The following CTSH variants were observed in gnomAD, a reference collection of about 807,000 sequenced individuals.
The protein encoded by CTSH is cathepsin H, also known as pro-cathepsin H.
Under a neutral mutation model 56.3 loss-of-function variants are expected in CTSH, and 52 were observed. The ratio of observed to expected loss-of-function variants is 0.92; its 90% CI spans 0.74 to 1.16. CTSH has a LOEUF of 1.16. Among genes scored for constraint, CTSH ranks in the 50% most tolerant of loss-of-function variants. CTSH has a pLI of 0.00. For missense variants in CTSH, 406 were observed against 424.5 expected, an observed-to-expected ratio of 0.96 and a Z score of 0.38; for synonymous variants, 174 against 155.7, an observed-to-expected ratio of 1.12 and a Z score of -0.88.
At position 78,925,348 on chromosome 15, in the gene CTSH, G is replaced by T. The variant is rs2044226; in HGVS notation, c.792C>A (p.Thr264=). 3.7e-5 allele frequency: 60 copies of T among 1,611,952 alleles called. No homozygotes were observed. Among genetic ancestry groups the T allele is most frequent in the Non-Finnish European group, 4.5e-5 (53 of 1,178,244 alleles). ...CCCTGACTCACCTGGAGTAGATGCCGGTTCTATACATCATGAAGTCCTGAG... is the reference window on the plus strand; with the variant it reads ...CCCTGACTCACCTGGAGTAGATGCCTGTTCTATACATCATGAAGTCCTGAG... ...EVTQDFMMYR[T]GIYSSTSCHK... is the part of the protein sequence containing the mutation. Residue 264 remains threonine, a synonymous_variant, in exon 10 of 12, where the codon ACC becomes ACA. Transcript: ENST00000220166.
intron 6 of CTSH, chr15:78,932,106 G>A (rs900779101): frequency 1.4e-5 from 17 of 1,240,010 alleles, no homozygotes; most frequent in African/African-American, 4.6e-5. Flanking sequence ...GAACCCCTCC[G>A]CCGGGAAGGC....
At chr15:78,937,263 G>A in intron 3 of CTSH, 55 bp downstream of exon 3, 1 of 1,494,050 alleles carries the variant, frequency 6.7e-7, no homozygotes, top group Admixed American at 1.7e-5. Flanking sequence ...GCCCTTTCAT[G>A]GGCTGGGTCA....
intron 1 of CTSH, among the ~76,000 whole-genome samples, chr15:78,941,555 G>A (rs1343702243): frequency 1.3e-5 from 2 of 152,002 alleles, no homozygotes; most frequent in Admixed American, 6.6e-5. Context: ...CACTTTGAGA[G>A]GCTGAGACGG....
chr15:78,930,147 G>C (rs989871789), intron 7 of CTSH, among the ~76,000 whole-genome samples: 1 of 152,224 alleles, frequency 6.6e-6, no homozygotes, highest in Non-Finnish European at 1.5e-5. Flanking sequence ...TGTATCCCCA[G>C]GGCCTACACA....
At chr15:78,944,694 C>T in intron 1 of CTSH, 197 bp downstream of exon 1, 3 of 1,103,316 alleles carry the variant, frequency 2.7e-6, no homozygotes, top group Non-Finnish European at 3.6e-6. Flanking sequence ...TCTGGTCCTA[C>T]AAGCCGCCCA....
chr15:78,944,916 G>T lies in CTSH; in HGVS notation c.66C>A (p.Ala22=). 4.5e-6 allele frequency: 7 copies of T among 1,548,660 alleles called. No homozygotes were observed. Among genetic ancestry groups the T allele is most frequent in the Middle Eastern group, 3.3e-4 (2 of 5,988 alleles). ...CTAAGGAGTTCACGCACAGTTCGGC[G>T]GCACCGCAGACGGGGACTCCCAGGA... ...AWLLGVPVCG[A]AELCVNSLEK... Residue 22 remains alanine (A), a synonymous_variant, in exon 1 of 12, where the codon GCC becomes GCA. Transcript: ENST00000220166.
intron 3 of CTSH, 47 bp downstream of exon 3, chr15:78,937,271 T>TA: frequency 6.5e-7 from 1 of 1,533,082 alleles, no homozygotes; most frequent in Admixed American, 1.7e-5. Context: ...ATGGGCTGGG[T>TA]CACTAACTGA....
At chr15:78,929,365 A>T in intron 8 of CTSH, 47 bp downstream of exon 8, 1 of 1,429,350 alleles carries the variant, frequency 7.0e-7, no homozygotes, top group Non-Finnish European at 9.8e-7. Context: ...GAGTGAAGCT[A>T]GGCATGCTGT....
In CTSH at chr15:78,929,572, A is replaced by AT. The variant is rs1027959581; in HGVS notation, c.549-80dup. 1.9e-5 allele frequency: 18 copies of AT among 948,692 alleles called. No homozygotes were observed. In the African/African-American group the frequency reaches 2.0e-4, roughly 11 times the overall value. 58.8% of individuals were successfully genotyped at this position (948,692 alleles called of 1,614,324 possible). A position where few individuals can be genotyped will look rare whatever the true frequency, so the allele number is the denominator to read the frequency against. Reference sequence around the variant, plus strand: ...GGCCCTCGGGGACTGGCGTGGCGAGATATCTGGCCTGGCAGGCTGGGGACT... The same window carrying AT: ...GGCCCTCGGGGACTGGCGTGGCGAGATTATCTGGCCTGGCAGGCTGGGGACT... On this transcript the variant is annotated intron_variant, in intron 7 of 11. Coordinates refer to ENST00000220166, the MANE Select transcript of CTSH (RefSeq NM_004390.5).
chr15:78,927,369 C>A (rs1377378703), intron 9 of CTSH: 1 of 341,622 alleles, frequency 2.9e-6, no homozygotes, highest in African/African-American at 2.1e-5. Context: ...CACACTCACC[C>A]TCCTCAGTTT....
intron 1 of CTSH, among the ~76,000 whole-genome samples, chr15:78,941,225 G>A (rs2055280442): frequency 6.6e-6 from 1 of 151,186 alleles, no homozygotes; most frequent in Non-Finnish European, 1.5e-5. Flanking sequence ...AGGAGTTTGA[G>A]ACCAGCCTGG....
chr15:78,929,405 G>C lies in CTSH; in HGVS notation c.630+7C>G. On this transcript the variant is annotated splice_region_variant and intron_variant, in intron 8 of 11. Coordinates refer to ENST00000220166, the MANE Select transcript of CTSH (RefSeq NM_004390.5). Reference sequence around the variant, plus strand: ...CAAGAAGACAGAGTGGAGGCTGTTGGAGTTACCTTGCCCTGGTAGGGGTAG... The same window carrying C: ...CAAGAAGACAGAGTGGAGGCTGTTGCAGTTACCTTGCCCTGGTAGGGGTAG... The C allele has an allele frequency of 6.2e-7, 1 of 1,609,142 alleles. No individual in the cohort carries two copies. Among genetic ancestry groups the C allele is most frequent in the Non-Finnish European group, 8.5e-7 (1 of 1,176,166 alleles).
chr15:78,930,242 C>T (rs755689531), intron 7 of CTSH, among the ~76,000 whole-genome samples: 4 of 152,206 alleles, frequency 2.6e-5, no homozygotes, highest in Non-Finnish European at 4.4e-5. Flanking sequence ...CTTTGAAAAA[C>T]AGGCTGGATG....
intron 2 of CTSH, 135 bp from the exon 3 acceptor site, chr15:78,937,558 G>A (rs938031754): frequency 1.5e-6 from 2 of 1,336,818 alleles, no homozygotes; most frequent in Admixed American, 5.3e-5. Context: ...TGTGTTAATG[G>A]GCGGGGTACT....
At position 78,921,966 on chromosome 15, in the gene CTSH, C is replaced by A; in HGVS notation, c.*164G>T. On this transcript the variant is annotated 3_prime_UTR_variant, in exon 12 of 12. Coordinates refer to ENST00000220166, the MANE Select transcript of CTSH (RefSeq NM_004390.5). ...AGACACGGGTGAGCTCATGGTGGAA[C>A]TCCTCCTTGTCTGTAGGTTTCCAGG... 3.2e-6 allele frequency: 2 copies of A among 627,400 alleles called. No individual in the cohort carries two copies. The highest frequency in any genetic ancestry group is 2.8e-6 in the Non-Finnish European group (1 of 358,212). The allele number at this position is 627,400 out of a possible 1,614,324, so 38.9% of individuals were successfully genotyped here.
intron 1 of CTSH, among the ~76,000 whole-genome samples, chr15:78,942,896 A>G (rs2055324845): frequency 6.6e-6 from 1 of 152,172 alleles, no homozygotes; most frequent in Non-Finnish European, 1.5e-5. Flanking sequence ...TTGGGTCTCG[A>G]ACCTGTTCCA....
chr15:78,927,374 C>A, intron 9 of CTSH: 1 of 350,968 alleles, frequency 2.8e-6, no homozygotes, highest in Non-Finnish European at 5.3e-6. Flanking sequence ...TCACCCTCCT[C>A]AGTTTCACAC....
At chr15:78,930,323 C>T (rs894253561) in intron 7 of CTSH, among the ~76,000 whole-genome samples, 34 of 152,162 alleles carry the variant, frequency 2.2e-4, no homozygotes, top group Admixed American at 1.6e-3. Context: ...GTCAGGGGTT[C>T]GAGACTAGCC....
At chr15:78,933,831 C>G (rs2055117214) in intron 5 of CTSH, among the ~76,000 whole-genome samples, 1 of 152,246 alleles carries the variant, frequency 6.6e-6, no homozygotes, top group Non-Finnish European at 1.5e-5. Context: ...TGGCTGCTGT[C>G]CGTCTCTATC....
Sources: allele counts gnomAD v4.1 joint callset (sites outside exome capture counted in the v4.1 genomes callset), GRCh38; gene constraint gnomAD v4.1.1; transcripts MANE v1.5; gene names NCBI Gene and HGNC (gene_info 2026-07-23, HGNC 2026-07-21).